Variants in ADAMTSL1 observed in about 807,000 individuals in gnomAD.
ADAMTSL1 encodes the protein ADAMTS-like protein 1.
Under a neutral mutation model 201.8 loss-of-function variants are expected in ADAMTSL1, and 126 were observed. The observed-to-expected ratio is 0.62, with a 90% CI of 0.54 to 0.72. The LOEUF (loss-of-function observed/expected upper bound fraction) is 0.72, where lower values mean the gene tolerates loss of function less well. Ranked by LOEUF, ADAMTSL1 falls within the 30% of genes least tolerant of loss-of-function variation. The pLI, the probability that ADAMTSL1 is intolerant of heterozygous loss-of-function variation, is 0.00. For synonymous variants in ADAMTSL1, 1,121 were observed against 903.4 expected (o/e 1.24, Z -4.32); for missense variants, 2,679 against 2,277.8 (o/e 1.18, Z -3.59).
intron 23 of ADAMTSL1, among the ~76,000 whole-genome samples, chr9:18,867,481 T>G (rs1261600330): frequency 6.6e-6 from 1 of 152,184 alleles, no homozygotes; most frequent in Non-Finnish European, 1.5e-5. Flanking sequence ...ATTTCACATA[T>G]ATACAAAATA....
chr9:18,439,401 C>T (rs2133445890), intron 2 of ADAMTSL1, among the ~76,000 whole-genome samples: 1 of 152,344 alleles, frequency 6.6e-6, no homozygotes. Flanking sequence ...GAGTCTGGCT[C>T]TGCCGCCCAG....
chr9:18,335,919 C>G (rs150276506), intron 2 of ADAMTSL1, among the ~76,000 whole-genome samples: 1 of 152,002 alleles, frequency 6.6e-6, no homozygotes, highest in Non-Finnish European at 1.5e-5. Flanking sequence ...TGGATTCCTG[C>G]CCTTAATATC....
At chr9:18,653,838 A>G (rs934604060) in intron 7 of ADAMTSL1, among the ~76,000 whole-genome samples, 2 of 152,242 alleles carry the variant, frequency 1.3e-5, no homozygotes, top group African/African-American at 4.8e-5. Context: ...CAGTGAGACA[A>G]CTGAATCTGT....
At chr9:18,653,496 T>C (rs567454604) in intron 7 of ADAMTSL1, among the ~76,000 whole-genome samples, 2 of 152,228 alleles carry the variant, frequency 1.3e-5, no homozygotes, top group African/African-American at 4.8e-5. Context: ...GCTAGGTAGG[T>C]TGGGCACAGT....
chr9:18,307,106 C>A (rs555967347), intron 2 of ADAMTSL1, among the ~76,000 whole-genome samples: 1 of 151,952 alleles, frequency 6.6e-6, no homozygotes, highest in Admixed American at 6.6e-5. Context: ...GCTTCATAAG[C>A]GAAGGGGAAA....
chr9:18,014,947 C>T (rs977877327), intron 1 of ADAMTSL1, among the ~76,000 whole-genome samples: 1 of 151,970 alleles, frequency 6.6e-6, no homozygotes, highest in Admixed American at 6.6e-5. Context: ...CAAGAAAAGC[C>T]GTGTTAAAGT....
rs553121732 is a variant in ADAMTSL1, at chr9:18,485,140, A to G, written c.63+10845A>G. Among the ~76,000 whole-genome samples the G allele has an allele frequency of 1.1e-4, 17 of 152,312 alleles. 1 individual carries two copies. In the East Asian group the frequency reaches 2.5e-3, roughly 22 times the overall value. ...AAGGAAACTGAGGCACAGAGAGGTT[A>G]TGTAACATGCCTAAGATCACTCAGT... On this transcript the variant is annotated intron_variant, in intron 1 of 28. Transcript: ENST00000380548.
intron 1 of ADAMTSL1, among the ~76,000 whole-genome samples, chr9:18,025,232 T>C (rs115177487): frequency 1.0e-3 from 156 of 152,304 alleles, no homozygotes; most frequent in African/African-American, 3.5e-3. Flanking sequence ...TGTTGATAGT[T>C]TCTTTTGCTG....
intron 2 of ADAMTSL1, among the ~76,000 whole-genome samples, chr9:18,420,965 G>A (rs1818918102): frequency 1.3e-5 from 2 of 152,144 alleles, no homozygotes; most frequent in South Asian, 2.1e-4. Flanking sequence ...TAGATCATAG[G>A]AGAAGGAACG....
intron 2 of ADAMTSL1, among the ~76,000 whole-genome samples, chr9:18,353,345 C>T (rs554935441): frequency 1.9e-3 from 289 of 152,264 alleles, no homozygotes; most frequent in African/African-American, 6.3e-3. Context: ...CAACCTTAAA[C>T]CTGGACTCAA....
chr9:18,215,094 T>G (rs1029824010), intron 2 of ADAMTSL1, among the ~76,000 whole-genome samples: 2 of 152,220 alleles, frequency 1.3e-5, no homozygotes, highest in African/African-American at 4.8e-5. Context: ...AGATGGCGAT[T>G]GGAATGGTTA....
At chr9:18,167,507 A>C (rs570150023) in intron 2 of ADAMTSL1, among the ~76,000 whole-genome samples, 7 of 151,918 alleles carry the variant, frequency 4.6e-5, no homozygotes, top group Non-Finnish European at 1.0e-4. Context: ...GCAAGTCATT[A>C]ATTTGCTGAA....
intron 2 of ADAMTSL1, among the ~76,000 whole-genome samples, chr9:18,432,132 ATTT>A (rs892658510): frequency 1.3e-5 from 2 of 151,676 alleles, no homozygotes; most frequent in East Asian, 3.9e-4. Context: ...GTTGAAAAGA[ATTT>A]TTTTTTAGCT....
chr9:18,188,114 C>A (rs928312965), intron 2 of ADAMTSL1, among the ~76,000 whole-genome samples: 25 of 152,024 alleles, frequency 1.6e-4, no homozygotes, highest in African/African-American at 5.6e-4. Context: ...AAAGAGAAAC[C>A]CTAGGAAAGC....
intron 1 of ADAMTSL1, among the ~76,000 whole-genome samples, chr9:17,934,736 C>CAT (rs1826933736): frequency 6.6e-6 from 1 of 152,138 alleles, no homozygotes; most frequent in South Asian, 2.1e-4. Flanking sequence ...CACCTACCTG[C>CAT]ATGTAGTTCA....
intron 4 of ADAMTSL1, among the ~76,000 whole-genome samples, chr9:18,601,702 A>G (rs1002612603): frequency 6.6e-6 from 1 of 152,118 alleles, no homozygotes; most frequent in East Asian, 1.9e-4. Context: ...TGTGTAGCAT[A>G]TATCATACAT....
intron 1 of ADAMTSL1, among the ~76,000 whole-genome samples, chr9:17,913,239 C>A (rs1410226877): frequency 3.9e-5 from 6 of 151,982 alleles, no homozygotes; most frequent in African/African-American, 1.2e-4. Context: ...GAAGAAAGTC[C>A]TTGGTAGCTT....
chr9:18,271,332 T>G (rs903283915), intron 2 of ADAMTSL1, among the ~76,000 whole-genome samples: 10 of 150,638 alleles, frequency 6.6e-5, no homozygotes, highest in African/African-American at 2.2e-4. Context: ...CCCTCCCCAC[T>G]CCCCCCACCC....
intron 26 of ADAMTSL1, among the ~76,000 whole-genome samples, chr9:18,901,049 A>C (rs1392232371): frequency 6.6e-6 from 1 of 151,986 alleles, no homozygotes; most frequent in East Asian, 1.9e-4. Flanking sequence ...TTCCTCTATG[A>C]TTGTAAGCTT....
Sources: gnomAD v4.1 joint callset for allele counts (sites outside exome capture counted in the v4.1 genomes callset) on GRCh38, gnomAD v4.1.1 for gene constraint, MANE v1.5 for transcripts, NCBI Gene and HGNC (gene_info 2026-07-23, HGNC 2026-07-21) for gene names.